The following CORO2B variants were observed in gnomAD, a reference collection of about 807,000 sequenced individuals.
CORO2B encodes the protein coronin 2B, also known as coronin-2B.
A neutral mutation model predicts 58.8 loss-of-function variants in CORO2B; 26 were observed. The observed-to-expected ratio is 0.44, with a 90% CI of 0.32 to 0.61. The LOEUF (loss-of-function observed/expected upper bound fraction) is 0.61, where lower values mean the gene tolerates loss of function less well. CORO2B is among the 20% of genes least tolerant of loss of function. The probability of loss-of-function intolerance (pLI) is 0.04; values close to 1 mark genes in which losing one functional copy is unlikely to be tolerated. For synonymous variants in CORO2B, 242 were observed against 253.8 expected, an observed-to-expected ratio of 0.95 and a Z score of 0.44; for missense variants, 460 against 645.1, an observed-to-expected ratio of 0.71 and a Z score of 3.11.
intron 1 of CORO2B, among the ~76,000 whole-genome samples, chr15:68,594,430 C>T (rs936132130): frequency 6.6e-6 from 1 of 152,196 alleles, no homozygotes; most frequent in African/African-American, 2.4e-5. Context: ...TCACCAGGTT[C>T]CCCAGCCCAG....
intron 5 of CORO2B, among the ~76,000 whole-genome samples, chr15:68,713,465 T>C (rs947935313): frequency 3.3e-5 from 5 of 152,146 alleles, no homozygotes; most frequent in African/African-American, 1.2e-4. Flanking sequence ...GCCCACAAAC[T>C]AGGTGGCTGA....
At chr15:68,615,945 T>C (rs74020255) in intron 1 of CORO2B, among the ~76,000 whole-genome samples, 5,802 of 152,282 alleles carry the variant, frequency 0.038, 383 homozygotes, top group African/African-American at 0.13. Context: ...ACATAAACTT[T>C]GCCCAGATGA....
At chr15:68,719,816 T>G (rs1893119435) in intron 11 of CORO2B, among the ~76,000 whole-genome samples, 1 of 152,210 alleles carries the variant, frequency 6.6e-6, no homozygotes, top group Non-Finnish European at 1.5e-5. Flanking sequence ...ATGAACTCAT[T>G]TCAGAACGTT....
At chr15:68,519,576 T>TC in the CORO2B span, among the ~76,000 whole-genome samples, 1 of 152,238 alleles carries the variant, frequency 6.6e-6, no homozygotes, top group Non-Finnish European at 1.5e-5. Context: ...GCTTAGTTTT[T>TC]CTAGAGGTTT....
chr15:68,584,830 G>T (rs986462380), intron 1 of CORO2B, among the ~76,000 whole-genome samples: 1 of 152,208 alleles, frequency 6.6e-6, no homozygotes, highest in South Asian at 2.1e-4. Context: ...TGGGGCAGCT[G>T]GCATGGGGCA....
intron 1 of CORO2B, among the ~76,000 whole-genome samples, chr15:68,612,270 A>G (rs1209746048): frequency 2.0e-5 from 3 of 152,262 alleles, no homozygotes; most frequent in African/African-American, 7.2e-5. Context: ...GATGGGCACT[A>G]TACTTATTAA....
At chr15:68,628,592 G>A (rs1900746005) in intron 1 of CORO2B, among the ~76,000 whole-genome samples, 1 of 152,214 alleles carries the variant, frequency 6.6e-6, no homozygotes, top group Non-Finnish European at 1.5e-5. Context: ...TTAAGCCCAT[G>A]GTATGAGCAA....
intron 8 of CORO2B, among the ~76,000 whole-genome samples, chr15:68,716,387 T>A (rs1432394885): frequency 6.6e-6 from 1 of 152,234 alleles, no homozygotes; most frequent in Non-Finnish European, 1.5e-5. Context: ...GCAAGGCACC[T>A]GGCAGAGCAC....
chr15:68,674,289 C>A (rs1265484478), intron 2 of CORO2B, among the ~76,000 whole-genome samples: 1 of 152,076 alleles, frequency 6.6e-6, no homozygotes, highest in African/African-American at 2.4e-5. Flanking sequence ...TCTGAGAGCT[C>A]CCTGCTGGGG....
chr15:68,673,292 T>A (rs575300373), intron 2 of CORO2B, among the ~76,000 whole-genome samples: 1 of 152,166 alleles, frequency 6.6e-6, no homozygotes, highest in South Asian at 2.1e-4. Flanking sequence ...TACCAGCATT[T>A]TGGAAGGCTG....
the CORO2B span, among the ~76,000 whole-genome samples, chr15:68,565,239 T>C: frequency 1.3e-4 from 20 of 152,010 alleles, no homozygotes; most frequent in Admixed American, 1.2e-3. Context: ...ATTGATATAT[T>C]TTCTCCTGTT....
At chr15:68,670,058 G>A (rs374672453) in intron 2 of CORO2B, among the ~76,000 whole-genome samples, 60 of 141,920 alleles carry the variant, frequency 4.2e-4, no homozygotes, top group South Asian at 6.7e-4. Context: ...CTCTGTCTCA[G>A]AAAAAAAAAA....
At chr15:68,668,584 A>C (rs1456606229) in intron 2 of CORO2B, among the ~76,000 whole-genome samples, 1 of 152,182 alleles carries the variant, frequency 6.6e-6, no homozygotes, top group East Asian at 1.9e-4. Flanking sequence ...AAGAGAGAAT[A>C]GCATGTGCTG....
intron 1 of CORO2B, among the ~76,000 whole-genome samples, chr15:68,639,422 A>G (rs1901136363): frequency 6.6e-6 from 1 of 152,218 alleles, no homozygotes; most frequent in Non-Finnish European, 1.5e-5. Context: ...GGGACACCCT[A>G]AAAGGAGGTG....
intron 3 of CORO2B, among the ~76,000 whole-genome samples, chr15:68,704,029 TACACACACATACACACACAC>T (rs1567014918): frequency 1.0e-5 from 1 of 99,466 alleles, no homozygotes. Flanking sequence ...ACCCTTTCTC[TACACACACATACACACACAC>T]ACACACACAC....
At position 68,714,598 on chromosome 15, in the gene CORO2B, G is replaced by A. The variant is rs773615801; in HGVS notation, c.805G>A (p.Gly269Arg). ...SMPLIEEEID[G>R]LSGLLFPFYD... is the part of the protein sequence containing the mutation. ...GCCCCTGATCGAAGAGGAAATTGAT[G>A]GGCTCTCTGGCCTCCTGTTCCCCTT... Residue 269 changes from glycine to arginine, a missense_variant, in exon 7 of 12, where the codon GGG becomes AGG. By Grantham distance (125) the Gly-to-Arg change is moderately radical. Transcript: ENST00000261861. 6.2e-7 allele frequency: 1 copy of A among 1,614,080 alleles called. No homozygotes were observed. Among genetic ancestry groups the A allele is most frequent in the Non-Finnish European group, 8.5e-7 (1 of 1,179,996 alleles).
At chr15:68,605,818 G>A (rs928572341) in intron 1 of CORO2B, among the ~76,000 whole-genome samples, 2 of 143,160 alleles carry the variant, frequency 1.4e-5, no homozygotes, top group Non-Finnish European at 3.0e-5. Context: ...TCCACCTCCC[G>A]GGTTCAAGCA....
At chr15:68,641,316 T>TG (rs1458619392) in intron 1 of CORO2B, among the ~76,000 whole-genome samples, 1 of 152,112 alleles carries the variant, frequency 6.6e-6, no homozygotes, top group Non-Finnish European at 1.5e-5. Flanking sequence ...AGCTGGGCTG[T>TG]GGGGGCAACA....
intron 1 of CORO2B, among the ~76,000 whole-genome samples, chr15:68,629,931 C>T (rs141338115): frequency 2.6e-5 from 4 of 152,286 alleles, no homozygotes; most frequent in African/African-American, 9.6e-5. Context: ...CCTTTAAAAA[C>T]CAGGAATCCA....
Sources: allele counts gnomAD v4.1 joint callset (sites outside exome capture counted in the v4.1 genomes callset), GRCh38; gene constraint gnomAD v4.1.1; transcripts MANE v1.5; gene names NCBI Gene and HGNC (gene_info 2026-07-23, HGNC 2026-07-21).